Variants in PID1 observed in about 807,000 individuals in gnomAD.
PID1 encodes the protein phosphotyrosine interaction domain containing 1, also known as PTB-containing, cubilin and LRP1-interacting protein.
In PID1, 10 loss-of-function variants were observed where a neutral mutation model predicts 19.1. The ratio of observed to expected loss-of-function variants is 0.52; its 90% CI spans 0.32 to 0.89. PID1 has a LOEUF of 0.89. Among genes scored for constraint, PID1 ranks in the 40% least tolerant of loss-of-function variants. PID1 has a pLI of 0.03. For synonymous variants in PID1, 130 were observed against 116.0 expected (o/e 1.12, Z -0.78); for missense variants, 248 against 285.3 (o/e 0.87, Z 0.94).
intron 2 of PID1, among the ~76,000 whole-genome samples, chr2:229,116,122 G>C (rs986574635): frequency 2.0e-5 from 3 of 152,082 alleles, no homozygotes; most frequent in Admixed American, 2.0e-4. Flanking sequence ...AGCTACTCTG[G>C]AGGCTGAGGC....
intron 2 of PID1, among the ~76,000 whole-genome samples, chr2:229,047,479 A>T (rs1693907633): frequency 6.6e-6 from 1 of 152,214 alleles, no homozygotes; most frequent in Non-Finnish European, 1.5e-5. Flanking sequence ...AATAAAAACA[A>T]AATAAAAGTT....
chr2:229,089,484 G>A lies in PID1; in HGVS notation c.178-63376C>T, dbSNP rs139272453. Among the ~76,000 whole-genome samples, 16 of 152,200 alleles carry A rather than the reference G, an allele frequency of 1.1e-4. No homozygotes were observed. The East Asian group carries it at 1.9e-3, about 18-fold the overall frequency. On this transcript the variant is annotated intron_variant, in intron 2 of 2. Transcript: ENST00000392055. ...ATTGGAATAACCTTGATCCCTAGAC[G>A]CCGCCATTTCCCTCAAGTGAGTGAT...
Position 229,155,888 on chromosome 2 carries a change from T to C in PID1, c.107A>G (p.His36Arg), listed in dbSNP as rs377545576. ...KKEPLPAVIF[H>R]EPEAIELCTT... ...GCACAGCTCAATGGCCTCCGGCTCA[T>C]GGAAGATGACCGCTGGGAGAGGTTC... Residue 36 changes from histidine to arginine, a missense_variant, in exon 2 of 3, where the codon CAT becomes CGT. By Grantham distance (29) the His-to-Arg change is conservative. Coordinates refer to ENST00000392055, the MANE Select transcript of PID1 (RefSeq NM_001100818.2). 4 of 1,613,886 alleles carry C rather than the reference T, an allele frequency of 2.5e-6. No individual in the cohort carries two copies. The highest frequency in any genetic ancestry group is 2.7e-5 in the African/African-American group (2 of 74,930).
At chr2:229,179,249 C>A (rs1028564808) in intron 1 of PID1, among the ~76,000 whole-genome samples, 1 of 152,126 alleles carries the variant, frequency 6.6e-6, no homozygotes, top group African/African-American at 2.4e-5. Context: ...GGCCAGTCCT[C>A]GCAGACAGAG....
intron 1 of PID1, among the ~76,000 whole-genome samples, chr2:229,167,519 C>A (rs1690624474): frequency 6.6e-6 from 1 of 152,024 alleles, no homozygotes; most frequent in Non-Finnish European, 1.5e-5. Context: ...TCAAGAATAA[C>A]AGGCCAGAAC....
At chr2:229,154,671 C>T (rs1379741586) in intron 2 of PID1, among the ~76,000 whole-genome samples, 1 of 152,162 alleles carries the variant, frequency 6.6e-6, no homozygotes, top group East Asian at 1.9e-4. Context: ...GATTCCTTCA[C>T]ACTAAGCAAT....
intron 2 of PID1, among the ~76,000 whole-genome samples, chr2:229,028,031 C>G (rs1693464323): frequency 1.3e-5 from 2 of 151,920 alleles, no homozygotes; most frequent in Non-Finnish European, 2.9e-5. Context: ...ACACAGCCAG[C>G]GGGCAAGGGT....
chr2:229,188,991 A>G (rs1240995583), intron 1 of PID1, among the ~76,000 whole-genome samples: 1 of 152,178 alleles, frequency 6.6e-6, no homozygotes, highest in Non-Finnish European at 1.5e-5. Flanking sequence ...CCTCAGATCA[A>G]AGAGAATAAA....
intron 2 of PID1, among the ~76,000 whole-genome samples, chr2:229,087,505 G>A (rs761912467): frequency 2.0e-5 from 3 of 152,200 alleles, no homozygotes; most frequent in Non-Finnish European, 4.4e-5. Context: ...CCTGATCCCA[G>A]TACAGGCTGC....
At chr2:229,104,120 T>C (rs1695127872) in intron 2 of PID1, among the ~76,000 whole-genome samples, 1 of 152,222 alleles carries the variant, frequency 6.6e-6, no homozygotes, top group Non-Finnish European at 1.5e-5. Flanking sequence ...GAGGCAGCTA[T>C]CTAATTTCTC....
At chr2:229,026,130 A>T in intron 2 of PID1, 22 bp from the exon 3 acceptor site, 1 of 1,535,492 alleles carries the variant, frequency 6.5e-7, no homozygotes, top group Non-Finnish European at 9.0e-7. Context: ...AGAGAGGAAG[A>T]AAAGGGAGGC....
intron 1 of PID1, among the ~76,000 whole-genome samples, chr2:229,224,738 G>C (rs1409061303): frequency 1.3e-5 from 2 of 151,632 alleles, no homozygotes. Context: ...TTTCCATTTG[G>C]TTTGGGGTTT....
chr2:229,218,724 G>C (rs543227682), intron 1 of PID1, among the ~76,000 whole-genome samples: 1 of 152,234 alleles, frequency 6.6e-6, no homozygotes, highest in African/African-American at 2.4e-5. Flanking sequence ...AGAAGGAGTG[G>C]ACTGATGGAC....
chr2:229,225,920 C>T (rs997372536), intron 1 of PID1, among the ~76,000 whole-genome samples: 1 of 152,146 alleles, frequency 6.6e-6, no homozygotes, highest in African/African-American at 2.4e-5. Context: ...TCCCAGAACA[C>T]GTGGGGATCG....
At chr2:229,164,551 A>G (rs1025553063) in intron 1 of PID1, among the ~76,000 whole-genome samples, 1 of 152,174 alleles carries the variant, frequency 6.6e-6, no homozygotes, top group African/African-American at 2.4e-5. Flanking sequence ...CACTGAATAC[A>G]ATTAAAATGC....
chr2:229,161,287 G>A (rs1690487842), intron 1 of PID1, among the ~76,000 whole-genome samples: 1 of 152,150 alleles, frequency 6.6e-6, no homozygotes, highest in Non-Finnish European at 1.5e-5. Context: ...GAAAGACAGA[G>A]ATAGACAGAG....
intron 2 of PID1, among the ~76,000 whole-genome samples, chr2:229,054,231 G>C (rs1308231880): frequency 6.6e-6 from 1 of 151,964 alleles, no homozygotes; most frequent in African/African-American, 2.4e-5. Context: ...AAAAGACCAG[G>C]CTTAATAAGG....
intron 2 of PID1, among the ~76,000 whole-genome samples, chr2:229,152,608 A>G (rs1690280506): frequency 6.6e-6 from 1 of 151,884 alleles, no homozygotes; most frequent in Non-Finnish European, 1.5e-5. Context: ...AGCTCCAACA[A>G]GAGTCCTAAT....
At chr2:229,047,183 A>G (rs6436827) in intron 2 of PID1, among the ~76,000 whole-genome samples, 79,652 of 151,996 alleles carry the variant, frequency 0.52, 21,666 homozygotes, top group East Asian at 0.67. Context: ...TGTTCATGCC[A>G]AGGATACAGA....
Sources: allele counts gnomAD v4.1 joint callset (sites outside exome capture counted in the v4.1 genomes callset), GRCh38; gene constraint gnomAD v4.1.1; transcripts MANE v1.5; gene names NCBI Gene and HGNC (gene_info 2026-07-23, HGNC 2026-07-21).